EYS: variants seen among roughly 807,000 people sequenced by gnomAD.
EYS encodes the protein protein eyes shut homolog.
In EYS, 250 loss-of-function variants were observed where a neutral mutation model predicts 282.1. That is an observed-to-expected ratio of 0.89 (90% CI 0.80 to 0.98). The LOEUF is 0.98. Among genes scored for constraint, EYS ranks in the 50% least tolerant of loss-of-function variants. The pLI, the probability that EYS is intolerant of heterozygous loss-of-function variation, is 0.00. For synonymous variants in EYS, 1,355 were observed against 1,282.9 expected (o/e 1.06, Z -1.20); for missense variants, 4,016 against 3,709.0 (o/e 1.08, Z -2.15).
intron 12 of EYS, among the ~76,000 whole-genome samples, chr6:65,266,283 C>A (rs533616113): frequency 5.3e-5 from 8 of 151,760 alleles, no homozygotes; most frequent in Non-Finnish European, 1.2e-4. Flanking sequence ...ACCATACAGA[C>A]TTTAAGGACT....
intron 28 of EYS, among the ~76,000 whole-genome samples, chr6:64,433,253 T>C (rs1478829523): frequency 1.3e-5 from 2 of 152,028 alleles, no homozygotes; most frequent in Admixed American, 6.6e-5. Context: ...AAGAAAGCCA[T>C]ATTTCAACAA....
intron 12 of EYS, among the ~76,000 whole-genome samples, chr6:65,155,724 C>G (rs1030624940): frequency 3.3e-5 from 5 of 151,402 alleles, no homozygotes; most frequent in Admixed American, 2.0e-4. Context: ...AGAAAGTTGT[C>G]TATTATGTAA....
At chr6:65,090,417 C>T (rs558928463) in intron 12 of EYS, among the ~76,000 whole-genome samples, 3 of 152,218 alleles carry the variant, frequency 2.0e-5, no homozygotes, top group Admixed American at 2.0e-4. Context: ...TCAATTAAAA[C>T]TTTTTTCTTT....
At chr6:65,586,312 T>C (rs1765047121) in intron 2 of EYS, among the ~76,000 whole-genome samples, 1 of 152,052 alleles carries the variant, frequency 6.6e-6, no homozygotes, top group Admixed American at 6.6e-5. Context: ...CTTACACTGA[T>C]CTCTTGGTCA....
At chr6:65,394,665 T>C (rs74695943) in intron 7 of EYS, among the ~76,000 whole-genome samples, 1 of 152,094 alleles carries the variant, frequency 6.6e-6, no homozygotes, top group Non-Finnish European at 1.5e-5. Context: ...TTAATCCCTT[T>C]TTACCATTAC....
At chr6:64,137,641 A>G in intron 31 of EYS, among the ~76,000 whole-genome samples, 1 of 152,286 alleles carries the variant, frequency 6.6e-6, no homozygotes, top group East Asian at 1.9e-4. Flanking sequence ...AGAGAGAGAA[A>G]GGAGAATTAC....
intron 22 of EYS, among the ~76,000 whole-genome samples, chr6:64,667,317 G>A (rs1401960641): frequency 6.6e-6 from 1 of 151,734 alleles, no homozygotes; most frequent in East Asian, 1.9e-4. Flanking sequence ...AATACATGGA[G>A]CCTTCCCCTG....
At chr6:64,094,083 C>A (rs982068808) in intron 31 of EYS, among the ~76,000 whole-genome samples, 3 of 152,118 alleles carry the variant, frequency 2.0e-5, no homozygotes, top group Admixed American at 6.5e-5. Flanking sequence ...GTGGAACCAG[C>A]CTTGCATCCC....
intron 2 of EYS, among the ~76,000 whole-genome samples, chr6:65,514,503 C>G (rs1767040489): frequency 6.6e-6 from 1 of 152,254 alleles, no homozygotes; most frequent in South Asian, 2.1e-4. Flanking sequence ...GCCAAAAGAA[C>G]AAAGCTGGAG....
Position 64,417,133 on chromosome 6 carries a change from T to C in EYS, c.5927+19041A>G, listed in dbSNP as rs541972736. 6.6e-5 allele frequency among the ~76,000 whole-genome samples: 10 copies of C among 152,292 alleles called. No homozygotes were observed. The East Asian group carries it at 1.2e-3, about 18-fold the overall frequency. On this transcript the variant is annotated intron_variant, in intron 28 of 42. Transcript: ENST00000503581. Reference sequence around the variant, plus strand: ...AGTGGTATGATAATTAGAGCTTTTATACATTACAGTGAAAAGCTATACACA... The same window carrying C: ...AGTGGTATGATAATTAGAGCTTTTACACATTACAGTGAAAAGCTATACACA...
intron 35 of EYS, among the ~76,000 whole-genome samples, chr6:63,881,546 G>A (rs532067622): frequency 1.3e-4 from 20 of 152,166 alleles, no homozygotes; most frequent in South Asian, 4.1e-4. Flanking sequence ...CTCCAGTTCC[G>A]AATTAAAATT....
intron 41 of EYS, among the ~76,000 whole-genome samples, chr6:63,743,064 G>A (rs940522508): frequency 2.0e-5 from 3 of 151,990 alleles, no homozygotes; most frequent in East Asian, 1.9e-4. Context: ...TTTCTATAGC[G>A]GCTATACCAT....
chr6:64,550,788 A>G (rs888224665), intron 26 of EYS, among the ~76,000 whole-genome samples: 43 of 152,106 alleles, frequency 2.8e-4, no homozygotes, highest in Non-Finnish European at 5.3e-4. Context: ...TCAATGTGCA[A>G]AAATCACAAG....
At chr6:65,471,064 G>T (rs1295437930) in intron 5 of EYS, among the ~76,000 whole-genome samples, 1 of 151,878 alleles carries the variant, frequency 6.6e-6, no homozygotes, top group East Asian at 1.9e-4. Context: ...TTGAACCCAG[G>T]AGGCAGAGGT....
At position 65,518,870 on chromosome 6, in the gene EYS, C is replaced by T. The variant is rs1767239268; in HGVS notation, c.-332-22877G>A. 3.3e-5 allele frequency among the ~76,000 whole-genome samples: 5 copies of T among 152,236 alleles called. No individual in the cohort carries two copies. The South Asian group carries it at 1.0e-3, about 32-fold the overall frequency. ...TCTGTGAGACTTACTATCATGAGAACAGCATGAGAAAGACCCGCCCCCATA... is the reference window on the plus strand; with the variant it reads ...TCTGTGAGACTTACTATCATGAGAATAGCATGAGAAAGACCCGCCCCCATA... On this transcript the variant is annotated intron_variant, in intron 2 of 42. Transcript: ENST00000503581.
At chr6:64,501,209 T>C (rs1032497224) in intron 26 of EYS, among the ~76,000 whole-genome samples, 2 of 152,024 alleles carry the variant, frequency 1.3e-5, no homozygotes, top group African/African-American at 2.4e-5. Flanking sequence ...ATAGGGCGTA[T>C]TGTCTTTTCT....
intron 26 of EYS, among the ~76,000 whole-genome samples, chr6:64,492,920 G>GGA (rs1320225715): frequency 2.6e-5 from 4 of 151,360 alleles, no homozygotes; most frequent in Admixed American, 6.6e-5. Flanking sequence ...ATGGTGAAAT[G>GGA]GAGAGAATTT....
chr6:64,515,085 A>T (rs1258988732), intron 26 of EYS, among the ~76,000 whole-genome samples: 1 of 151,778 alleles, frequency 6.6e-6, no homozygotes, highest in Admixed American at 6.6e-5. Context: ...ATTTTCTACT[A>T]GTAGTTCAGT....
At chr6:64,147,512 G>T (rs1774560066) in intron 31 of EYS, among the ~76,000 whole-genome samples, 1 of 152,130 alleles carries the variant, frequency 6.6e-6, no homozygotes, top group African/African-American at 2.4e-5. Flanking sequence ...AGGCACTGTG[G>T]CACTGACCAT....
Sources: gnomAD v4.1 joint callset for allele counts (sites outside exome capture counted in the v4.1 genomes callset) on GRCh38, gnomAD v4.1.1 for gene constraint, MANE v1.5 for transcripts, NCBI Gene and HGNC (gene_info 2026-07-23, HGNC 2026-07-21) for gene names.